Variants in GPC5 observed in about 807,000 individuals in gnomAD.
GPC5 encodes the protein glypican-5.
A neutral mutation model predicts 53.9 loss-of-function variants in GPC5; 47 were observed. That is an observed-to-expected ratio of 0.87 (90% CI 0.69 to 1.11). The LOEUF (loss-of-function observed/expected upper bound fraction) is 1.11, where lower values mean the gene tolerates loss of function less well. Among genes scored for constraint, GPC5 ranks in the 50% most tolerant of loss-of-function variants. The pLI, the probability that GPC5 is intolerant of heterozygous loss-of-function variation, is 0.00. For missense variants in GPC5, 748 were observed against 713.1 expected (o/e 1.05, Z -0.56); for synonymous variants, 286 against 263.3 (o/e 1.09, Z -0.84).
intron 7 of GPC5, among the ~76,000 whole-genome samples, chr13:92,750,366 T>C (rs1186244985): frequency 6.6e-6 from 1 of 152,122 alleles, no homozygotes; most frequent in Non-Finnish European, 1.5e-5. Flanking sequence ...ATAAGTGAAC[T>C]CTATCATTCT....
At chr13:92,311,735 C>G (rs1304217979) in intron 7 of GPC5, among the ~76,000 whole-genome samples, 2 of 152,130 alleles carry the variant, frequency 1.3e-5, no homozygotes, top group East Asian at 3.9e-4. Flanking sequence ...CCCTATGATT[C>G]AGTTACCTCC....
chr13:91,827,597 C>A (rs1239902598), intron 5 of GPC5, among the ~76,000 whole-genome samples: 1 of 151,964 alleles, frequency 6.6e-6, no homozygotes, highest in Non-Finnish European at 1.5e-5. Context: ...AAATGTAAAT[C>A]AAGACCCTAG....
At chr13:92,803,144 A>ATAAG (rs1175876821) in intron 7 of GPC5, among the ~76,000 whole-genome samples, 3 of 151,954 alleles carry the variant, frequency 2.0e-5, no homozygotes, top group Non-Finnish European at 4.4e-5. Context: ...ACTTTCCTCA[A>ATAAG]TAAGTTATTA....
intron 1 of GPC5, among the ~76,000 whole-genome samples, chr13:91,442,611 C>T (rs773028288): frequency 7.2e-5 from 11 of 152,176 alleles, no homozygotes; most frequent in Non-Finnish European, 1.3e-4. Context: ...CTGTATATTG[C>T]TGATTGCATT....
intron 6 of GPC5, among the ~76,000 whole-genome samples, chr13:92,079,059 C>A (rs1406539379): frequency 6.6e-6 from 1 of 151,434 alleles, no homozygotes; most frequent in African/African-American, 2.4e-5. Context: ...TTTAATTTTT[C>A]TTTTTTTTCG....
intron 7 of GPC5, among the ~76,000 whole-genome samples, chr13:92,459,273 TG>T (rs1261886634): frequency 6.6e-6 from 1 of 152,178 alleles, no homozygotes; most frequent in Non-Finnish European, 1.5e-5. Context: ...CTTCATATAA[TG>T]GTAGGCAAGC....
intron 7 of GPC5, among the ~76,000 whole-genome samples, chr13:92,554,170 T>C (rs918041858): frequency 6.6e-6 from 1 of 151,878 alleles, no homozygotes; most frequent in African/African-American, 2.4e-5. Flanking sequence ...AAGGTGGAAG[T>C]TGTACATTTC....
At chr13:92,396,304 T>C (rs1875267183) in intron 7 of GPC5, among the ~76,000 whole-genome samples, 1 of 152,192 alleles carries the variant, frequency 6.6e-6, no homozygotes, top group African/African-American at 2.4e-5. Flanking sequence ...CAATGTTTTT[T>C]ATTTGTAGCA....
At chr13:92,514,073 TA>T (rs199754427) in intron 7 of GPC5, among the ~76,000 whole-genome samples, 53 of 151,748 alleles carry the variant, frequency 3.5e-4, no homozygotes, top group Middle Eastern at 3.4e-3. Context: ...GGAGTAAGGC[TA>T]AAAAAATATA....
chr13:91,503,970 G>C (rs903494114), intron 2 of GPC5, among the ~76,000 whole-genome samples: 2 of 151,492 alleles, frequency 1.3e-5, no homozygotes, highest in African/African-American at 4.8e-5. Flanking sequence ...TAATAATATA[G>C]TAAATGGCAT....
intron 7 of GPC5, among the ~76,000 whole-genome samples, chr13:92,499,215 A>C (rs183601991): frequency 1.9e-4 from 29 of 152,276 alleles, no homozygotes; most frequent in African/African-American, 6.7e-4. Context: ...AGGTGGCTCC[A>C]GGGTTCAAAC....
intron 7 of GPC5, among the ~76,000 whole-genome samples, chr13:92,512,451 C>T (rs915822000): frequency 1.3e-5 from 2 of 152,040 alleles, no homozygotes; most frequent in African/African-American, 2.4e-5. Context: ...CATTTCAATA[C>T]ATAAAATATA....
intron 5 of GPC5, among the ~76,000 whole-genome samples, chr13:91,866,905 T>A (rs1823082432): frequency 6.6e-6 from 1 of 152,202 alleles, no homozygotes; most frequent in African/African-American, 2.4e-5. Flanking sequence ...CTTCCACTAT[T>A]GAAGTAAAAG....
At chr13:91,891,183 T>G (rs2039381774) in intron 5 of GPC5, among the ~76,000 whole-genome samples, 1 of 152,182 alleles carries the variant, frequency 6.6e-6, no homozygotes, top group Non-Finnish European at 1.5e-5. Flanking sequence ...AGCTACAATC[T>G]AATAACAGAT....
intron 7 of GPC5, among the ~76,000 whole-genome samples, chr13:92,820,125 G>A (rs568505343): frequency 5.9e-5 from 9 of 152,108 alleles, no homozygotes; most frequent in East Asian, 3.9e-4. Flanking sequence ...ACAAACCAGC[G>A]TATCCAACTG....
chr13:92,577,677 GT>G (rs1224590912), intron 7 of GPC5, among the ~76,000 whole-genome samples: 1 of 152,072 alleles, frequency 6.6e-6, no homozygotes, highest in African/African-American at 2.4e-5. Context: ...GAGTTTATAA[GT>G]TTTGCTTTCA....
intron 2 of GPC5, among the ~76,000 whole-genome samples, chr13:91,631,308 C>T (rs918547641): frequency 6.6e-6 from 1 of 151,988 alleles, no homozygotes; most frequent in African/African-American, 2.4e-5. Flanking sequence ...TGGACCTTGA[C>T]GCTATGCTTT....
intron 7 of GPC5, among the ~76,000 whole-genome samples, chr13:92,748,451 C>T (rs1353000112): frequency 1.3e-5 from 2 of 151,586 alleles, no homozygotes; most frequent in African/African-American, 2.4e-5. Flanking sequence ...TCTGCCTCAG[C>T]CTCCTGAGTA....
chr13:91,658,389 T>C (rs2034899706), intron 2 of GPC5, among the ~76,000 whole-genome samples: 2 of 141,256 alleles, frequency 1.4e-5, no homozygotes, highest in African/African-American at 6.1e-5. Flanking sequence ...GGGGAATTTT[T>C]TGGGGGGATA....
Sources: allele counts gnomAD v4.1 joint callset (sites outside exome capture counted in the v4.1 genomes callset), GRCh38; gene constraint gnomAD v4.1.1; transcripts MANE v1.5; gene names NCBI Gene and HGNC (gene_info 2026-07-23, HGNC 2026-07-21).